The following NEK7 variants were observed in gnomAD, a reference collection of about 807,000 sequenced individuals.
NEK7 encodes the protein serine/threonine-protein kinase Nek7.
A neutral mutation model predicts 44.6 loss-of-function variants in NEK7; 18 were observed. The ratio of observed to expected loss-of-function variants is 0.40; its 90% CI spans 0.28 to 0.60. The LOEUF is 0.60. Among genes scored for constraint, NEK7 ranks in the 20% least tolerant of loss-of-function variants. The pLI is 0.38. For synonymous variants in NEK7, 130 were observed against 121.1 expected, an observed-to-expected ratio of 1.07 and a Z score of -0.48; for missense variants, 256 against 366.5, an observed-to-expected ratio of 0.70 and a Z score of 2.46.
intron 1 of NEK7, among the ~76,000 whole-genome samples, chr1:198,209,821 T>C (rs929382647): frequency 1.3e-5 from 2 of 152,022 alleles, no homozygotes; most frequent in African/African-American, 2.4e-5. Context: ...TTTATATTTT[T>C]ATTTATTTAT....
intron 1 of NEK7, among the ~76,000 whole-genome samples, chr1:198,183,868 A>G (rs115988772): frequency 3.9e-5 from 6 of 152,222 alleles, no homozygotes; most frequent in African/African-American, 4.8e-5. Context: ...CATAATTCTG[A>G]AGTGGTTCAA....
chr1:198,218,019 A>G (rs10922378), intron 1 of NEK7, among the ~76,000 whole-genome samples: 20,892 of 151,760 alleles, frequency 0.14, 2,082 homozygotes, highest in East Asian at 0.57. Flanking sequence ...AAGCAATCCT[A>G]TGAAATTCCT....
intron 9 of NEK7, among the ~76,000 whole-genome samples, chr1:198,308,949 TTTCA>T (rs1232160780): frequency 1.3e-5 from 2 of 150,400 alleles, no homozygotes; most frequent in Non-Finnish European, 3.0e-5. Flanking sequence ...CCATTCATTC[TTTCA>T]TTCATTCAGC....
At chr1:198,284,192 G>C (rs1442017468) in intron 7 of NEK7, among the ~76,000 whole-genome samples, 1 of 152,116 alleles carries the variant, frequency 6.6e-6, no homozygotes, top group African/African-American at 2.4e-5. Flanking sequence ...AGCAGAGAAA[G>C]GTAAACAGCT....
intron 1 of NEK7, among the ~76,000 whole-genome samples, chr1:198,179,429 G>T (rs1457229726): frequency 6.6e-6 from 1 of 151,986 alleles, no homozygotes; most frequent in Non-Finnish European, 1.5e-5. Context: ...GAATTCTTAA[G>T]ATGAATTTAA....
At chr1:198,256,125 C>G (rs957186620) in intron 3 of NEK7, among the ~76,000 whole-genome samples, 4 of 152,174 alleles carry the variant, frequency 2.6e-5, no homozygotes, top group African/African-American at 9.6e-5. Flanking sequence ...CCCAGGTCCA[C>G]TAGACTCCTT....
chr1:198,181,127 A>G (rs1486753983), intron 1 of NEK7, among the ~76,000 whole-genome samples: 4 of 152,124 alleles, frequency 2.6e-5, no homozygotes, highest in Non-Finnish European at 1.5e-5. Context: ...TCATCTTTAA[A>G]TAGTTCAGAA....
At chr1:198,233,666 A>G (rs1353835461) in intron 2 of NEK7, among the ~76,000 whole-genome samples, 1 of 151,512 alleles carries the variant, frequency 6.6e-6, no homozygotes, top group Non-Finnish European at 1.5e-5. Context: ...AGCCTTTCCT[A>G]CACTAGTGTG....
intron 2 of NEK7, among the ~76,000 whole-genome samples, chr1:198,242,917 G>T (rs978273736): frequency 6.7e-6 from 1 of 149,314 alleles, no homozygotes; most frequent in African/African-American, 2.5e-5. Context: ...TGATCCGCCT[G>T]CCTTGGCCTC....
intron 9 of NEK7, among the ~76,000 whole-genome samples, chr1:198,307,471 G>A (rs976624505): frequency 6.6e-6 from 1 of 152,098 alleles, no homozygotes; most frequent in Non-Finnish European, 1.5e-5. Flanking sequence ...ATCCAAAGTT[G>A]TAAAGATAAA....
chr1:198,301,823 T>C (rs150847050), intron 9 of NEK7, among the ~76,000 whole-genome samples: 308 of 152,360 alleles, frequency 2.0e-3, no homozygotes, highest in South Asian at 3.7e-3. Flanking sequence ...TAGACTATTA[T>C]TACAATAGTG....
chr1:198,305,149 G>A (rs575189867), intron 9 of NEK7, among the ~76,000 whole-genome samples: 98 of 152,012 alleles, frequency 6.4e-4, no homozygotes, highest in African/African-American at 2.2e-3. Context: ...TAATATCTAC[G>A]GATATTGGAA....
intron 1 of NEK7, among the ~76,000 whole-genome samples, chr1:198,196,598 G>T (rs911012472): frequency 2.6e-5 from 4 of 152,178 alleles, no homozygotes; most frequent in African/African-American, 9.7e-5. Flanking sequence ...GTTCAGCGAT[G>T]CCAGGGCTGG....
intron 1 of NEK7, among the ~76,000 whole-genome samples, chr1:198,160,129 T>C (rs1664059492): frequency 6.6e-6 from 1 of 152,222 alleles, no homozygotes; most frequent in Non-Finnish European, 1.5e-5. Flanking sequence ...CTAAACACTA[T>C]TTTCCTAGGA....
intron 9 of NEK7, among the ~76,000 whole-genome samples, chr1:198,306,878 T>TA: frequency 6.6e-6 from 1 of 152,126 alleles, no homozygotes; most frequent in Non-Finnish European, 1.5e-5. Flanking sequence ...GAACAACAAA[T>TA]AGTTATTTCA....
intron 3 of NEK7, among the ~76,000 whole-genome samples, chr1:198,255,425 G>A (rs900099840): frequency 1.3e-5 from 2 of 151,968 alleles, no homozygotes; most frequent in Non-Finnish European, 2.9e-5. Context: ...GTGGAAAACA[G>A]GGCTCAATTC....
intron 1 of NEK7, among the ~76,000 whole-genome samples, chr1:198,166,986 CA>C (rs1400893770): frequency 6.6e-6 from 1 of 152,212 alleles, no homozygotes; most frequent in Non-Finnish European, 1.5e-5. Flanking sequence ...CAAATTATTA[CA>C]AACTAGATGG....
intron 7 of NEK7, among the ~76,000 whole-genome samples, chr1:198,288,263 G>T (rs1654440293): frequency 6.6e-6 from 1 of 152,126 alleles, no homozygotes; most frequent in Non-Finnish European, 1.5e-5. Context: ...TTAAGTAATT[G>T]CTCTGGTAAG....
intron 2 of NEK7, among the ~76,000 whole-genome samples, chr1:198,237,467 A>G (rs930331265): frequency 6.6e-6 from 1 of 152,166 alleles, no homozygotes; most frequent in Non-Finnish European, 1.5e-5. Context: ...TGGCAAGTCT[A>G]TCCTTCCAGT....
Sources: allele counts gnomAD v4.1 joint callset (sites outside exome capture counted in the v4.1 genomes callset), GRCh38; gene constraint gnomAD v4.1.1; transcripts MANE v1.5; gene names NCBI Gene and HGNC (gene_info 2026-07-23, HGNC 2026-07-21).